AKT3: variants seen among roughly 807,000 people sequenced by gnomAD.
AKT3 encodes the protein RAC-gamma serine/threonine-protein kinase.
Under a neutral mutation model 65.3 loss-of-function variants are expected in AKT3, and 15 were observed. The observed-to-expected ratio is 0.23, with a 90% CI of 0.15 to 0.35. The LOEUF (loss-of-function observed/expected upper bound fraction) is 0.35. AKT3 is among the 10% of genes least tolerant of loss of function. AKT3 has a pLI of 1.00. For synonymous variants in AKT3, 206 were observed against 183.8 expected (o/e 1.12, Z -0.98); for missense variants, 243 against 576.5 (o/e 0.42, Z 5.92).
chr1:243,618,280 T>A (rs1013046755), intron 6 of AKT3, among the ~76,000 whole-genome samples: 1 of 152,120 alleles, frequency 6.6e-6, no homozygotes, highest in Non-Finnish European at 1.5e-5. Flanking sequence ...ATGAACACCA[T>A]GTACATACCA....
chr1:243,801,051 C>T (rs560001306), intron 2 of AKT3, among the ~76,000 whole-genome samples: 1 of 152,142 alleles, frequency 6.6e-6, no homozygotes, highest in East Asian at 1.9e-4. Flanking sequence ...CTAGCCTACC[C>T]AAAACTCACT....
intron 2 of AKT3, among the ~76,000 whole-genome samples, chr1:243,750,546 G>C (rs1244861182): frequency 6.6e-6 from 1 of 151,180 alleles, no homozygotes; most frequent in Non-Finnish European, 1.5e-5. Flanking sequence ...CTCTTTACCG[G>C]TAAGTTATTA....
chr1:243,782,323 T>G (rs993742249), intron 2 of AKT3, among the ~76,000 whole-genome samples: 1 of 152,180 alleles, frequency 6.6e-6, no homozygotes, highest in Non-Finnish European at 1.5e-5. Context: ...CTTATAAACA[T>G]AGGAAACAAC....
At chr1:243,600,123 A>C (rs1339241284) in intron 8 of AKT3, among the ~76,000 whole-genome samples, 1 of 152,130 alleles carries the variant, frequency 6.6e-6, no homozygotes, top group African/African-American at 2.4e-5. Flanking sequence ...CAAGACCTGT[A>C]CACTAAAAAC....
At chr1:243,716,783 T>G (rs1407505950) in intron 2 of AKT3, among the ~76,000 whole-genome samples, 9 of 152,198 alleles carry the variant, frequency 5.9e-5, no homozygotes, top group Non-Finnish European at 1.3e-4. Flanking sequence ...GAAGCAGGCC[T>G]CAGCCAAATA....
chr1:243,800,903 G>C (rs1692342295), intron 2 of AKT3, among the ~76,000 whole-genome samples: 1 of 152,108 alleles, frequency 6.6e-6, no homozygotes, highest in South Asian at 2.1e-4. Flanking sequence ...TTCAGTTCCA[G>C]TTAATGAAAA....
intron 4 of AKT3, among the ~76,000 whole-genome samples, chr1:243,651,853 T>C (rs906466428): frequency 6.6e-6 from 1 of 152,018 alleles, no homozygotes; most frequent in African/African-American, 2.4e-5. Context: ...GCCTGACATT[T>C]TCCTTTTTTG....
At chr1:243,596,721 G>A (rs976356210) in intron 8 of AKT3, among the ~76,000 whole-genome samples, 1 of 152,154 alleles carries the variant, frequency 6.6e-6, no homozygotes, top group African/African-American at 2.4e-5. Context: ...ATACTCTTCA[G>A]TATTAATTAA....
chr1:243,516,191 G>C (rs1272268960), intron 12 of AKT3, among the ~76,000 whole-genome samples: 1 of 152,146 alleles, frequency 6.6e-6, no homozygotes, highest in East Asian at 1.9e-4. Context: ...TCTTTAGCAG[G>C]TACAAGGCTA....
intron 10 of AKT3, among the ~76,000 whole-genome samples, chr1:243,558,291 A>G (rs902411357): frequency 2.0e-5 from 3 of 152,052 alleles, no homozygotes; most frequent in Non-Finnish European, 4.4e-5. Context: ...ATTTATATAG[A>G]AATTAATCTC....
At chr1:243,838,443 A>G (rs1695032533) in intron 2 of AKT3, among the ~76,000 whole-genome samples, 1 of 152,046 alleles carries the variant, frequency 6.6e-6, no homozygotes, top group African/African-American at 2.4e-5. Context: ...CTTTCTCCTA[A>G]TCATTTTATA....
intron 4 of AKT3, among the ~76,000 whole-genome samples, chr1:243,664,103 C>G (rs929601133): frequency 1.3e-5 from 2 of 149,758 alleles, no homozygotes; most frequent in Admixed American, 1.3e-4. Context: ...AAATCTTTTA[C>G]TATCACTAGC....
intron 10 of AKT3, among the ~76,000 whole-genome samples, chr1:243,562,996 C>T (rs938651246): frequency 6.6e-5 from 10 of 152,176 alleles, no homozygotes; most frequent in Admixed American, 2.0e-4. Flanking sequence ...ACACCACACC[C>T]TTACATTTAA....
chr1:243,774,108 G>A (rs1427116467), intron 2 of AKT3, among the ~76,000 whole-genome samples: 3 of 152,174 alleles, frequency 2.0e-5, no homozygotes, highest in African/African-American at 7.2e-5. Context: ...CTACTTTGTA[G>A]TATTTCTTAC....
At chr1:243,837,572 C>T (rs4614244) in intron 2 of AKT3, among the ~76,000 whole-genome samples, 137,786 of 152,240 alleles carry the variant, frequency 0.91, 62,572 homozygotes, top group African/African-American at 0.98. Context: ...TTTAAATACA[C>T]CATGACCAAA....
At chr1:243,849,791 G>A (rs938663485) in intron 1 of AKT3, among the ~76,000 whole-genome samples, 3 of 151,558 alleles carry the variant, frequency 2.0e-5, no homozygotes, top group African/African-American at 7.3e-5. Flanking sequence ...AGCTTTCCCC[G>A]GAAAGCGGGG....
chr1:243,580,223 G>A (rs879551547), intron 8 of AKT3, among the ~76,000 whole-genome samples: 1 of 152,244 alleles, frequency 6.6e-6, no homozygotes, highest in Admixed American at 6.5e-5. Flanking sequence ...CCCCACTGAC[G>A]GCATCCAGCT....
chr1:243,490,183 C>G (rs1666047081), intron 13 of AKT3, among the ~76,000 whole-genome samples: 1 of 152,326 alleles, frequency 6.6e-6, no homozygotes, highest in Non-Finnish European at 1.5e-5. Flanking sequence ...CTGACTTTTC[C>G]CACTCGGTCC....
At chr1:243,820,418 C>T (rs1693788689) in intron 2 of AKT3, among the ~76,000 whole-genome samples, 1 of 152,204 alleles carries the variant, frequency 6.6e-6, no homozygotes, top group Non-Finnish European at 1.5e-5. Context: ...ATCACAACAT[C>T]TCTCCAGCAA....
Sources: allele counts gnomAD v4.1 joint callset (sites outside exome capture counted in the v4.1 genomes callset), GRCh38; gene constraint gnomAD v4.1.1; transcripts MANE v1.5; gene names NCBI Gene and HGNC (gene_info 2026-07-23, HGNC 2026-07-21).